TNFAIP8: variants seen among roughly 807,000 people sequenced by gnomAD.
TNFAIP8 encodes tumor necrosis factor alpha-induced protein 8.
Under a neutral mutation model 13.3 loss-of-function variants are expected in TNFAIP8, and 7 were observed. The ratio of observed to expected loss-of-function variants is 0.52; its 90% CI spans 0.30 to 0.99. The LOEUF (loss-of-function observed/expected upper bound fraction) is 0.99. Among genes scored for constraint, TNFAIP8 ranks in the 50% least tolerant of loss-of-function variants. The pLI, the probability that TNFAIP8 is intolerant of heterozygous loss-of-function variation, is 0.07. For synonymous variants in TNFAIP8, 94 were observed against 87.6 expected (o/e 1.07, Z -0.41); for missense variants, 258 against 236.9 (o/e 1.09, Z -0.58).
chr5:119,284,700 G>A (rs1748725991), intron 1 of TNFAIP8, among the ~76,000 whole-genome samples: 1 of 151,580 alleles, frequency 6.6e-6, no homozygotes, highest in Non-Finnish European at 1.5e-5. Context: ...AAAAAATTCT[G>A]TAGCATAAAA....
intron 1 of TNFAIP8, among the ~76,000 whole-genome samples, chr5:119,357,750 C>T (rs1325347549): frequency 6.6e-6 from 1 of 151,848 alleles, no homozygotes; most frequent in African/African-American, 2.4e-5. Flanking sequence ...GCAGATCGGC[C>T]ACAAATGATA....
rs1213319120 is a variant in TNFAIP8, at chr5:119,368,448, TGTGTGTGTGTGC to T, written c.31+12338_31+12349del. On this transcript the variant is annotated intron_variant, in intron 1 of 1. Transcript: ENST00000504771. ...TAAGCAGCGTGTGTGTGTGTGTGTG[TGTGTGTGTGTGC>T]GTGTGTGTGTTTGTGTTGGGGTTTA... 3.5e-3 allele frequency among the ~76,000 whole-genome samples: 485 copies of T among 139,438 alleles called. 5 individuals are homozygous for T. Among genetic ancestry groups the T allele is most frequent in the African/African-American group, 0.012 (446 of 36,094 alleles). 91.5% of individuals were successfully genotyped at this position (139,438 alleles called of 152,430 possible).
intron 1 of TNFAIP8, among the ~76,000 whole-genome samples, chr5:119,391,002 G>A (rs915718121): frequency 1.3e-5 from 1 of 74,420 alleles, no homozygotes; most frequent in Non-Finnish European, 3.1e-5. Context: ...TTTTTTTTTT[G>A]TAGTTTTTTG....
chr5:119,329,494 T>A (rs1173025506), intron 1 of TNFAIP8, among the ~76,000 whole-genome samples: 1 of 152,192 alleles, frequency 6.6e-6, no homozygotes, highest in African/African-American at 2.4e-5. Context: ...GTCTTTTGCC[T>A]TTCTGTTAAA....
chr5:119,375,866 C>T (rs1054765178), intron 1 of TNFAIP8, among the ~76,000 whole-genome samples: 1 of 152,030 alleles, frequency 6.6e-6, no homozygotes, highest in African/African-American at 2.4e-5. Flanking sequence ...GGTAGAGTTT[C>T]TGCCTTTTTC....
chr5:119,366,683 C>T (rs540333633), intron 1 of TNFAIP8, among the ~76,000 whole-genome samples: 2 of 152,282 alleles, frequency 1.3e-5, no homozygotes, highest in South Asian at 4.2e-4. Context: ...CACTTCCAAC[C>T]AGTGAAGCTG....
chr5:119,299,436 G>A (rs879292143), intron 1 of TNFAIP8, among the ~76,000 whole-genome samples: 100 of 152,258 alleles, frequency 6.6e-4, no homozygotes, highest in Admixed American at 2.3e-3. Context: ...TTCGTGAACC[G>A]CGAATGCTGC....
chr5:119,370,907 A>G (rs774296959), intron 1 of TNFAIP8, among the ~76,000 whole-genome samples: 92 of 152,188 alleles, frequency 6.0e-4, no homozygotes, highest in Non-Finnish European at 1.1e-3. Context: ...TTCCTTTGGG[A>G]ACCTGGAATC....
chr5:119,326,197 T>C (rs1206977748), intron 1 of TNFAIP8, among the ~76,000 whole-genome samples: 1 of 152,122 alleles, frequency 6.6e-6, no homozygotes, highest in Non-Finnish European at 1.5e-5. Context: ...TAGGAATGTG[T>C]GGTGTAATAG....
chr5:119,347,611 T>C (rs1217288296), intron 1 of TNFAIP8, among the ~76,000 whole-genome samples: 1 of 152,230 alleles, frequency 6.6e-6, no homozygotes, highest in African/African-American at 2.4e-5. Context: ...GCAGCTCTTC[T>C]TTAAGGAGAG....
intron 1 of TNFAIP8, among the ~76,000 whole-genome samples, chr5:119,285,937 G>A (rs1442302510): frequency 1.3e-5 from 2 of 152,136 alleles, no homozygotes; most frequent in African/African-American, 4.8e-5. Context: ...GTGTAAAAAG[G>A]CATATTGTAA....
intron 1 of TNFAIP8, among the ~76,000 whole-genome samples, chr5:119,307,583 G>A (rs1304005338): frequency 6.6e-6 from 1 of 152,174 alleles, no homozygotes; most frequent in Admixed American, 6.5e-5. Context: ...TCATACCATC[G>A]TGTTTCAATT....
At chr5:119,319,287 G>A (rs1283985961) in intron 1 of TNFAIP8, among the ~76,000 whole-genome samples, 1 of 152,148 alleles carries the variant, frequency 6.6e-6, no homozygotes, top group African/African-American at 2.4e-5. Flanking sequence ...AATAAGATAA[G>A]ATGAAATAAA....
chr5:119,329,758 C>G (rs1750319385), intron 1 of TNFAIP8, among the ~76,000 whole-genome samples: 1 of 151,794 alleles, frequency 6.6e-6, no homozygotes, highest in Non-Finnish European at 1.5e-5. Context: ...ACCATGCACA[C>G]TGTGGACATC....
chr5:119,335,082 G>A (rs1750509052), intron 1 of TNFAIP8, among the ~76,000 whole-genome samples: 1 of 152,130 alleles, frequency 6.6e-6, no homozygotes, highest in African/African-American at 2.4e-5. Flanking sequence ...AACCGTAGTG[G>A]CAGAGTGGCG....
chr5:119,284,531 A>G (rs774298842), intron 1 of TNFAIP8, among the ~76,000 whole-genome samples: 1 of 152,034 alleles, frequency 6.6e-6, no homozygotes, highest in African/African-American at 2.4e-5. Context: ...AAATACAAAA[A>G]TTAGCCCGGC....
chr5:119,382,008 A>AT (rs1356814474), intron 1 of TNFAIP8, among the ~76,000 whole-genome samples: 5 of 152,096 alleles, frequency 3.3e-5, no homozygotes, highest in Admixed American at 6.5e-5. Flanking sequence ...TAATGTTTCA[A>AT]TTTTTTCTAA....
intron 1 of TNFAIP8, among the ~76,000 whole-genome samples, chr5:119,291,973 C>T (rs879438846): frequency 6.6e-6 from 1 of 152,150 alleles, no homozygotes; most frequent in Non-Finnish European, 1.5e-5. Flanking sequence ...GAAGTGATGG[C>T]AAATGCATTT....
At chr5:119,307,240 A>T (rs891350653) in intron 1 of TNFAIP8, among the ~76,000 whole-genome samples, 1 of 152,218 alleles carries the variant, frequency 6.6e-6, no homozygotes, top group African/African-American at 2.4e-5. Context: ...CCACAAATAT[A>T]CTATGGTTTA....
Sources: gnomAD v4.1 joint callset for allele counts (sites outside exome capture counted in the v4.1 genomes callset) on GRCh38, gnomAD v4.1.1 for gene constraint, MANE v1.5 for transcripts, NCBI Gene and HGNC (gene_info 2026-07-23, HGNC 2026-07-21) for gene names.